NAIP: variants seen among roughly 807,000 people sequenced by gnomAD.
NAIP encodes NLR family apoptosis inhibitory protein.
In NAIP, 15 loss-of-function variants were observed where a neutral mutation model predicts 23.0. That is an observed-to-expected ratio of 0.65 (90% CI 0.44 to 1.00). The LOEUF (loss-of-function observed/expected upper bound fraction) is 1.00, where lower values mean the gene tolerates loss of function less well. Among genes scored for constraint, NAIP ranks in the 50% least tolerant of loss-of-function variants. NAIP has a pLI of 0.00. For missense variants in NAIP, 265 were observed against 278.8 expected (o/e 0.95, Z 0.35); for synonymous variants, 100 against 100.2 (o/e 1.00, Z 0.01).
intron 13 of NAIP, among the ~76,000 whole-genome samples, chr5:70,978,155 T>TAA (rs1561510032): frequency 3.9e-5 from 4 of 103,460 alleles, no homozygotes; most frequent in African/African-American, 1.6e-4. Flanking sequence ...ATATATTTTT[T>TAA]TTTTTTTTTT....
At chr5:71,008,196 A>C (rs1750962284) in intron 5 of NAIP, among the ~76,000 whole-genome samples, 1 of 149,514 alleles carries the variant, frequency 6.7e-6, no homozygotes, top group Admixed American at 6.7e-5. Context: ...CAGCCTCCCA[A>C]GTAGCTGGGG....
chr5:70,996,825 G>C (rs1200773822), intron 9 of NAIP, among the ~76,000 whole-genome samples: 1 of 114,808 alleles, frequency 8.7e-6, no homozygotes, highest in African/African-American at 3.0e-5. Context: ...TAAGCAGATG[G>C]CTATAATTTT....
chr5:71,016,123 T>A (rs1751434140), intron 3 of NAIP, among the ~76,000 whole-genome samples: 1 of 150,364 alleles, frequency 6.7e-6, no homozygotes, highest in Admixed American at 6.7e-5. Context: ...TAAAAAAACT[T>A]TTTTTTTAAG....
intron 4 of NAIP, 98 bp from the exon 5 acceptor site, chr5:71,011,472 C>T (rs974824841): frequency 6.6e-5 from 66 of 1,001,256 alleles, no homozygotes; most frequent in Admixed American, 1.2e-4. Flanking sequence ...CAAGCTCCAG[C>T]GTGGCTGTGC....
chr5:71,013,914 A>G (rs1231669673), intron 3 of NAIP, among the ~76,000 whole-genome samples: 1 of 151,400 alleles, frequency 6.6e-6, no homozygotes, highest in East Asian at 1.9e-4. Context: ...AGCCCCATGT[A>G]AATTAGCTCC....
At chr5:71,010,640 C>T (rs2112920224) in intron 5 of NAIP, among the ~76,000 whole-genome samples, 1 of 151,434 alleles carries the variant, frequency 6.6e-6, no homozygotes, top group South Asian at 2.1e-4. Flanking sequence ...TCAAGCAATC[C>T]TCCTGCCTTG....
At chr5:71,011,623 T>A (rs1751164156) in intron 4 of NAIP, 2 of 537,296 alleles carry the variant, frequency 3.7e-6, no homozygotes, top group South Asian at 2.5e-5. Context: ...AGAGCTGGTA[T>A]GTTGCTCTTT....
chr5:71,008,563 G>C (rs1750983298), intron 5 of NAIP, among the ~76,000 whole-genome samples: 1 of 66,044 alleles, frequency 1.5e-5, no homozygotes, highest in African/African-American at 7.3e-5. Context: ...CCAGCACTTT[G>C]GGAGGCCGAG....
At chr5:71,014,791 T>A (rs2112936714) in intron 3 of NAIP, among the ~76,000 whole-genome samples, 1 of 151,354 alleles carries the variant, frequency 6.6e-6, no homozygotes, top group South Asian at 2.1e-4. Flanking sequence ...TAATCCCAGC[T>A]ACTCAGGAGG....
At position 71,010,469 on chromosome 5, in the gene NAIP, C is replaced by T. The variant is rs183361894; in HGVS notation, c.668+806G>A. The stretch of plus-strand genomic sequence containing the variant: ...ATTTTTAGTAGAGACATGGTTTCAC[C>T]GTGTTAGCCAGGATGGTCTTGATTT... On this transcript the variant is annotated intron_variant, in intron 5 of 16. Transcript: ENST00000517649. 2.5e-4 allele frequency among the ~76,000 whole-genome samples: 38 copies of T among 151,584 alleles called. 2 individuals are homozygous for T. The highest frequency in any genetic ancestry group is 7.7e-4 in the African/African-American group (32 of 41,402).
chr5:71,015,271 C>T (rs529291733), intron 3 of NAIP, among the ~76,000 whole-genome samples: 3 of 150,706 alleles, frequency 2.0e-5, no homozygotes, highest in East Asian at 2.0e-4. Context: ...CCCAGCTACT[C>T]GGGGAGCAGA....
chr5:71,017,622 C>T (rs1326851846), intron 3 of NAIP, among the ~76,000 whole-genome samples: 2 of 84,870 alleles, frequency 2.4e-5, no homozygotes, highest in Admixed American at 1.3e-4. Context: ...CTCACCGCAA[C>T]CTCTGCTTCC....
chr5:71,017,610 G>A, intron 3 of NAIP, among the ~76,000 whole-genome samples: 1 of 83,204 alleles, frequency 1.2e-5, no homozygotes, highest in African/African-American at 3.3e-5. Context: ...GCAAAATTTT[G>A]ACTCACCGCA....
chr5:71,010,824 C>G (rs760957598), intron 5 of NAIP, among the ~76,000 whole-genome samples: 1 of 151,314 alleles, frequency 6.6e-6, no homozygotes, highest in Admixed American at 6.6e-5. Context: ...TGTAATTAGG[C>G]CTTTCCTGCT....
Position 71,013,604 on chromosome 5 carries a change from T to C in NAIP, c.-3-686A>G, listed in dbSNP as rs996686419. 5.0e-4 allele frequency among the ~76,000 whole-genome samples: 72 copies of C among 142,752 alleles called. 1 individual carries two copies. The Middle Eastern group carries it at 0.012, about 23-fold the overall frequency. 93.7% of individuals were successfully genotyped at this position (142,752 alleles called of 152,430 possible). A position where few individuals can be genotyped will look rare whatever the true frequency, so the allele number is the denominator to read the frequency against. On this transcript the variant is annotated intron_variant, in intron 3 of 16. Coordinates refer to ENST00000517649, the MANE Select transcript of NAIP (RefSeq NM_004536.3). ...GCAGCGAGCCGAGATCGCGCCACGG[T>C]ACTCCAGCCTGGGTGACAGAGCAAG...
chr5:71,010,249 A>G (rs565782219), intron 5 of NAIP, among the ~76,000 whole-genome samples: 1 of 150,618 alleles, frequency 6.6e-6, no homozygotes. Context: ...CTAGGACTGC[A>G]GGTACACGCC....
chr5:71,014,166 C>T (rs149895704), intron 3 of NAIP, among the ~76,000 whole-genome samples: 3,793 of 150,112 alleles, frequency 0.025, 223 homozygotes, highest in African/African-American at 0.089. Context: ...GGCGTGGCCT[C>T]GGCTCACTGC....
chr5:71,012,679 CTGTGGTATCCA>C lies in NAIP; in HGVS notation c.226_236del (p.Trp76GlyfsTer22), dbSNP rs1242163474. On this transcript the variant is annotated frameshift_variant, in exon 4 of 17. Coordinates refer to ENST00000517649, the MANE Select transcript of NAIP (RefSeq NM_004536.3). LOFTEE classifies it high-confidence loss of function. ...AGTAAAACCCAGCGGCCGCCATCTCCTGTGGTATCCATGAGCTGTACGGCTCATAAGTCACA... is the reference window on the plus strand; with the variant it reads ...AGTAAAACCCAGCGGCCGCCATCTCCTGAGCTGTACGGCTCATAAGTCACA... The C allele has an allele frequency of 1.2e-5, 20 of 1,611,786 alleles. No individual in the cohort carries two copies. The highest frequency in any genetic ancestry group is 1.7e-5 in the Non-Finnish European group (20 of 1,178,482).
intron 3 of NAIP, among the ~76,000 whole-genome samples, chr5:71,016,023 A>G (rs1751428082): frequency 7.0e-6 from 1 of 143,622 alleles, no homozygotes; most frequent in Non-Finnish European, 1.5e-5. Context: ...ACTCATACCT[A>G]TAACCCCAAT....
Sources: allele counts gnomAD v4.1 joint callset (sites outside exome capture counted in the v4.1 genomes callset), GRCh38; gene constraint gnomAD v4.1.1; transcripts MANE v1.5; gene names NCBI Gene and HGNC (gene_info 2026-07-23, HGNC 2026-07-21).